Variants in SEMA4D observed in about 807,000 individuals in gnomAD.
SEMA4D encodes the protein semaphorin-4D.
Under a neutral mutation model 74.8 loss-of-function variants are expected in SEMA4D, and 22 were observed. The ratio of observed to expected loss-of-function variants is 0.29; its 90% CI spans 0.21 to 0.42. SEMA4D has a LOEUF of 0.42. SEMA4D is among the 10% of genes least tolerant of loss of function. SEMA4D has a pLI of 1.00. For missense variants in SEMA4D, 937 were observed against 1,118.4 expected, an observed-to-expected ratio of 0.84 and a Z score of 2.31; for synonymous variants, 445 against 463.7, an observed-to-expected ratio of 0.96 and a Z score of 0.52.
At chr9:89,396,525 A>C (rs1405479141) in intron 6 of SEMA4D, among the ~76,000 whole-genome samples, 1 of 152,136 alleles carries the variant, frequency 6.6e-6, no homozygotes, top group African/African-American at 2.4e-5. Context: ...GGACACCGAA[A>C]CTTAGAGGAG....
At chr9:89,396,655 C>T in intron 6 of SEMA4D, 82 bp downstream of exon 6, 2 of 1,170,842 alleles carry the variant, frequency 1.7e-6, no homozygotes. Flanking sequence ...GTGGAGACAG[C>T]TTTACGTCTG....
At chr9:89,401,925 C>G (rs1289569977) in intron 4 of SEMA4D, among the ~76,000 whole-genome samples, 1 of 151,978 alleles carries the variant, frequency 6.6e-6, no homozygotes, top group Non-Finnish European at 1.5e-5. Context: ...CTTCGCTGGT[C>G]AAAGGCCACC....
At chr9:89,475,556 G>A (rs901180990) in intron 1 of SEMA4D, among the ~76,000 whole-genome samples, 2 of 152,194 alleles carry the variant, frequency 1.3e-5, no homozygotes, top group African/African-American at 4.8e-5. Context: ...TGCACCTGAT[G>A]GAAAAGAAAG....
At chr9:89,394,828 C>A (rs558447199) in intron 6 of SEMA4D, among the ~76,000 whole-genome samples, 7 of 152,352 alleles carry the variant, frequency 4.6e-5, no homozygotes, top group African/African-American at 1.7e-4. Flanking sequence ...TTGGGGAAAT[C>A]TGAACGGGGA....
chr9:89,370,863 A>ATGTGGCGTGTGGGG (rs1209572124), intron 16 of SEMA4D, among the ~76,000 whole-genome samples: 1 of 69,832 alleles, frequency 1.4e-5, no homozygotes, highest in African/African-American at 5.9e-5. Context: ...TGTGTGTGGG[A>ATGTGGCGTGTGGGG]TGTGGCGTGT....
At chr9:89,410,033 G>A (rs1844172696) in intron 2 of SEMA4D, among the ~76,000 whole-genome samples, 2 of 150,748 alleles carry the variant, frequency 1.3e-5, no homozygotes, top group Non-Finnish European at 2.9e-5. Flanking sequence ...CCAACGGTGT[G>A]CTGGCAAGCT....
downstream of SEMA4D, among the ~76,000 whole-genome samples, chr9:89,374,929 T>G (rs1489719071): frequency 6.6e-6 from 1 of 152,170 alleles, no homozygotes; most frequent in Non-Finnish European, 1.5e-5. Context: ...GAGGTGTGCC[T>G]GTAATCCCAG....
intron 1 of SEMA4D, among the ~76,000 whole-genome samples, chr9:89,483,005 C>G (rs553364738): frequency 4.6e-5 from 7 of 152,220 alleles, no homozygotes; most frequent in African/African-American, 1.7e-4. Context: ...TGTATCTCCC[C>G]GAAGGCTTGA....
At chr9:89,463,607 A>T (rs11265910) in intron 1 of SEMA4D, among the ~76,000 whole-genome samples, 19,872 of 152,206 alleles carry the variant, frequency 0.13, 1,368 homozygotes, top group Middle Eastern at 0.22. Flanking sequence ...TCCAAAGTGT[A>T]TTCACAACAC....
intron 2 of SEMA4D, among the ~76,000 whole-genome samples, chr9:89,417,797 G>A (rs1001545442): frequency 8.5e-5 from 13 of 152,204 alleles, no homozygotes; most frequent in African/African-American, 3.1e-4. Context: ...AGGAGAGGCC[G>A]AGAGAGCAGG....
At chr9:89,361,470 C>G (rs1007308627) in exon 19 of SEMA4D, 1 of 152,142 alleles carries the variant, frequency 6.6e-6, no homozygotes, top group Non-Finnish European at 1.5e-5. Flanking sequence ...CAAGAAGAGA[C>G]GTGTGTGTAA....
chr9:89,455,342 C>T (rs911535564), intron 2 of SEMA4D, among the ~76,000 whole-genome samples: 2 of 152,222 alleles, frequency 1.3e-5, no homozygotes, highest in African/African-American at 2.4e-5. Flanking sequence ...CACCCCAGCC[C>T]AAGCCACTGC....
Position 89,378,578 on chromosome 9 carries a change from G to A in SEMA4D, c.*126C>T. The A allele has an allele frequency of 1.5e-6, 1 of 664,354 alleles. No homozygotes were observed. The highest frequency in any genetic ancestry group is 2.6e-6 in the Non-Finnish European group (1 of 382,644). 41.2% of individuals were successfully genotyped at this position (664,354 alleles called of 1,614,324 possible). A position where few individuals can be genotyped will look rare whatever the true frequency, so the allele number is the denominator to read the frequency against. ...GAAAATAGACAAGAGGACTGAGGTT[G>A]TCTGCACGATGCGGGCTAACCTACG... On this transcript the variant is annotated 3_prime_UTR_variant, in exon 16 of 16. Transcript: ENST00000422704.
chr9:89,414,060 T>C (rs1361999650), intron 2 of SEMA4D, among the ~76,000 whole-genome samples: 5 of 152,298 alleles, frequency 3.3e-5, no homozygotes, highest in African/African-American at 9.6e-5. Flanking sequence ...CAGTCACCCG[T>C]GTCTCGGCTC....
At chr9:89,446,777 C>T (rs773515749) in intron 2 of SEMA4D, among the ~76,000 whole-genome samples, 3 of 152,084 alleles carry the variant, frequency 2.0e-5, no homozygotes, top group Non-Finnish European at 4.4e-5. Flanking sequence ...GGCACACTGG[C>T]GGGGGAGGAC....
At position 89,409,936 on chromosome 9, in the gene SEMA4D, A is replaced by G. The variant is rs567020785; in HGVS notation, c.-243-4237T>C. ...TATTTCAACTCTCTCTGGAAACCCA[A>G]TGAAATGACTCTAAAAGGATATGAA... On this transcript the variant is annotated intron_variant, in intron 2 of 15. Coordinates refer to ENST00000422704, the MANE Select transcript of SEMA4D (RefSeq NM_001371194.2). Among the ~76,000 whole-genome samples the G allele has an allele frequency of 2.7e-3, 416 of 152,344 alleles. 3 individuals carry two copies. The highest frequency in any genetic ancestry group is 0.02 in the South Asian group (95 of 4,830).
chr9:89,412,871 T>G lies in SEMA4D; in HGVS notation c.-243-7172A>C, dbSNP rs1844834993. On this transcript the variant is annotated intron_variant, in intron 2 of 15. Transcript: ENST00000422704. ...TTCAACAAGAATGCATTGTTTCATA[T>G]AATTTTAAAGTTGCTTTAAGCAAAG... 2.0e-5 allele frequency among the ~76,000 whole-genome samples: 3 copies of G among 152,130 alleles called. No homozygotes were observed. In the South Asian group the frequency reaches 6.2e-4, roughly 31 times the overall value.
chr9:89,384,869 G>A (rs1838076134), intron 13 of SEMA4D: 1 of 985,244 alleles, frequency 1.0e-6, no homozygotes. Flanking sequence ...ATGGAGCTGG[G>A]CCTTCCACCC....
chr9:89,426,036 C>T (rs1407367188), intron 2 of SEMA4D, among the ~76,000 whole-genome samples: 1 of 152,250 alleles, frequency 6.6e-6, no homozygotes, highest in East Asian at 1.9e-4. Context: ...TACAGGCAGC[C>T]TGGGGAGATG....
Sources: gnomAD v4.1 joint callset for allele counts (sites outside exome capture counted in the v4.1 genomes callset) on GRCh38, gnomAD v4.1.1 for gene constraint, MANE v1.5 for transcripts, NCBI Gene and HGNC (gene_info 2026-07-23, HGNC 2026-07-21) for gene names.